The following PPP6R2 variants were observed in gnomAD, a reference collection of about 807,000 sequenced individuals.
PPP6R2 encodes the protein serine/threonine-protein phosphatase 6 regulatory subunit 2.
In PPP6R2, 62 loss-of-function variants were observed where a neutral mutation model predicts 100.2. The observed-to-expected ratio is 0.62, with a 90% CI of 0.50 to 0.76. The LOEUF (loss-of-function observed/expected upper bound fraction) is 0.76, where lower values mean the gene tolerates loss of function less well. PPP6R2 is among the 30% of genes least tolerant of loss of function. PPP6R2 has a pLI of 0.00. For synonymous variants in PPP6R2, 525 were observed against 514.7 expected (o/e 1.02, Z -0.27); for missense variants, 1,142 against 1,276.3 (o/e 0.89, Z 1.60).
At chr22:50,395,256 C>A (rs1404449242) in intron 3 of PPP6R2, among the ~76,000 whole-genome samples, 1 of 152,176 alleles carries the variant, frequency 6.6e-6, no homozygotes, top group African/African-American at 2.4e-5. Context: ...AACGCCCATT[C>A]AGCCCTGGCC....
At chr22:50,437,484 T>TTC in intron 15 of PPP6R2, 22 bp from the exon 16 acceptor site, 16 of 542,088 alleles carry the variant, frequency 3.0e-5, no homozygotes, top group East Asian at 4.4e-5. Flanking sequence ...TGTCCGTCCC[T>TTC]CCCTCCCTCC....
the PPP6R2 span, among the ~76,000 whole-genome samples, chr22:50,336,366 G>A: frequency 2.1e-4 from 32 of 152,070 alleles, no homozygotes; most frequent in South Asian, 1.7e-3. Flanking sequence ...TTTATCAGCA[G>A]GGTCATTATT....
At chr22:50,367,562 C>T (rs2049017057) in intron 1 of PPP6R2, among the ~76,000 whole-genome samples, 1 of 152,006 alleles carries the variant, frequency 6.6e-6, no homozygotes, top group Non-Finnish European at 1.5e-5. Context: ...TCACAGTTGC[C>T]ATTCAAGGCA....
chr22:50,354,374 G>C (rs969204931), intron 1 of PPP6R2, among the ~76,000 whole-genome samples: 5 of 152,072 alleles, frequency 3.3e-5, no homozygotes, highest in African/African-American at 1.2e-4. Flanking sequence ...AATTTTCTCA[G>C]AGTTACCAGT....
chr22:50,367,652 A>G (rs1188331856), intron 1 of PPP6R2, among the ~76,000 whole-genome samples: 1 of 152,228 alleles, frequency 6.6e-6, no homozygotes, highest in Non-Finnish European at 1.5e-5. Flanking sequence ...AGACTGTCCC[A>G]TTACAGTCCA....
intron 7 of PPP6R2, 94 bp from the exon 8 acceptor site, chr22:50,419,255 T>C: frequency 8.8e-7 from 1 of 1,134,284 alleles, no homozygotes. Flanking sequence ...TTGAGGGTTT[T>C]GCTGGGGTCC....
chr22:50,371,100 C>G (rs958234725), intron 1 of PPP6R2, among the ~76,000 whole-genome samples: 38 of 152,128 alleles, frequency 2.5e-4, no homozygotes, highest in Non-Finnish European at 2.8e-4. Context: ...GACTTCATAC[C>G]TGACAACGCC....
chr22:50,394,927 A>AAAC (rs1413514431), intron 3 of PPP6R2, among the ~76,000 whole-genome samples: 1 of 151,490 alleles, frequency 6.6e-6, no homozygotes, highest in Non-Finnish European at 1.5e-5. Context: ...AAAAAAAAAA[A>AAAC]AAAAAAGAGT....
chr22:50,357,424 C>CT (rs1475122759), intron 1 of PPP6R2, among the ~76,000 whole-genome samples: 2 of 149,894 alleles, frequency 1.3e-5, no homozygotes, highest in Admixed American at 1.3e-4. Context: ...TCTTTCTTTT[C>CT]TTTTCTTTTT....
intron 2 of PPP6R2, among the ~76,000 whole-genome samples, chr22:50,388,197 G>C (rs976463754): frequency 1.3e-5 from 2 of 151,576 alleles, no homozygotes; most frequent in South Asian, 2.1e-4. Flanking sequence ...AAAACAGTCA[G>C]CTTGGGTAAC....
chr22:50,390,962 G>A (rs1223101574), intron 2 of PPP6R2, among the ~76,000 whole-genome samples: 1 of 149,998 alleles, frequency 6.7e-6, no homozygotes, highest in East Asian at 2.0e-4. Context: ...TCGTGCCACT[G>A]CACTCCAGCC....
intron 1 of PPP6R2, among the ~76,000 whole-genome samples, chr22:50,355,269 G>A (rs1464230498): frequency 2.9e-5 from 4 of 139,912 alleles, no homozygotes; most frequent in South Asian, 4.4e-4. Context: ...ACAGAGTCTC[G>A]CTCTGTAGCC....
rs1424608908 is a variant in PPP6R2 at position 50,431,412 on chromosome 22, C to T, written c.1335+30C>T. On this transcript the variant is annotated intron_variant, in intron 11 of 23. Coordinates refer to ENST00000612753, the MANE Select transcript of PPP6R2 (RefSeq NM_001242898.2). This position sits in a 1 kb window ranked among gnomAD's most constrained non-coding sequence, Gnocchi z 4.8. ...GTCCAAGAAGCATCCATCTTATCAG[C>T]GCCAACTGCGCCCCACTCAGACCGT... 3 of 1,579,654 alleles carry T rather than the reference C, an allele frequency of 1.9e-6. No homozygotes were observed. The highest frequency in any genetic ancestry group is 1.3e-5 in the African/African-American group (1 of 74,420).
At chr22:50,409,800 C>G (rs572534159) in intron 4 of PPP6R2, among the ~76,000 whole-genome samples, 90 of 152,332 alleles carry the variant, frequency 5.9e-4, no homozygotes, top group Non-Finnish European at 1.1e-3. Context: ...GACCTTGGCT[C>G]ATTGCAACCT....
rs12484005 is a variant in PPP6R2 at position 50,436,144 on chromosome 22, T to G, written c.1517-223T>G. Among the ~76,000 whole-genome samples the G allele has an allele frequency of 5.5e-3, 845 of 152,270 alleles. 3 individuals are homozygous for G. Among genetic ancestry groups the G allele is most frequent in the South Asian group, 0.024 (115 of 4,826 alleles). ...AAGTGCCCACCACCCTGCCCACAGGTGCTGCACCTCAATCTCACTGTGGCC... is the reference window on the plus strand; with the variant it reads ...AAGTGCCCACCACCCTGCCCACAGGGGCTGCACCTCAATCTCACTGTGGCC... On this transcript the variant is annotated intron_variant, in intron 13 of 23. Transcript: ENST00000612753.
At chr22:50,335,728 A>T in the PPP6R2 span, among the ~76,000 whole-genome samples, 1,478 of 132,186 alleles carry the variant, frequency 0.011, 236 homozygotes, top group African/African-American at 0.045. Context: ...CAGGCTTGAG[A>T]GCAGTGGCGC....
At chr22:50,334,320 G>A in the PPP6R2 span, among the ~76,000 whole-genome samples, 6 of 152,242 alleles carry the variant, frequency 3.9e-5, no homozygotes, top group East Asian at 1.9e-4. Flanking sequence ...CTGTCCGGGC[G>A]TGACAGAGGC....
rs1007565677 is a variant in PPP6R2, at chr22:50,372,072, A to G, written c.-95A>G. ...ATGAAAAAAATTTTCTTAAAGCTGC[A>G]TATACTCCAAGAAAAAAACCACAAA... On this transcript the variant is annotated 5_prime_UTR_variant, in exon 2 of 24. Coordinates refer to ENST00000612753, the MANE Select transcript of PPP6R2 (RefSeq NM_001242898.2). 5.3e-5 allele frequency: 8 copies of G among 152,172 alleles called. No homozygotes were observed. Among genetic ancestry groups the G allele is most frequent in the Non-Finnish European group, 8.8e-5 (6 of 68,030 alleles). 9.4% of individuals were successfully genotyped at this position (152,172 alleles called of 1,614,324 possible). A position where few individuals can be genotyped will look rare whatever the true frequency, so the allele number is the denominator to read the frequency against.
In PPP6R2 at chr22:50,372,119, T is replaced by C. The variant is rs2050344733; in HGVS notation, c.-48T>C. On this transcript the variant is annotated 5_prime_UTR_variant, in exon 2 of 24. Transcript: ENST00000612753. ...CAAATGTTTTTCTGTTTTGCCTGAA[T>C]ACATGATTTAAACAAGAGATTTCCA... 3 of 152,360 alleles carry C rather than the reference T, an allele frequency of 2.0e-5. No homozygotes were observed. The highest frequency in any genetic ancestry group is 2.1e-4 in the South Asian group (1 of 4,830). 9.4% of individuals were successfully genotyped at this position (152,360 alleles called of 1,614,324 possible).
Sources: gnomAD v4.1 joint callset for allele counts (sites outside exome capture counted in the v4.1 genomes callset) on GRCh38, gnomAD v4.1.1 for gene constraint, Gnocchi (gnomAD v3.1) non-coding constraint, MANE v1.5 for transcripts, NCBI Gene and HGNC (gene_info 2026-07-23, HGNC 2026-07-21) for gene names.